The following STK32A variants were observed in gnomAD, a reference collection of about 807,000 sequenced individuals.
STK32A encodes serine/threonine kinase 32A.
A neutral mutation model predicts 53.2 loss-of-function variants in STK32A; 41 were observed. The ratio of observed to expected loss-of-function variants is 0.77; its 90% CI spans 0.60 to 1.00. The LOEUF (loss-of-function observed/expected upper bound fraction) is 1.00, where lower values mean the gene tolerates loss of function less well. Among genes scored for constraint, STK32A ranks in the 50% least tolerant of loss-of-function variants. The pLI, the probability that STK32A is intolerant of heterozygous loss-of-function variation, is 0.00. For synonymous variants in STK32A, 166 were observed against 162.8 expected, an observed-to-expected ratio of 1.02 and a Z score of -0.15; for missense variants, 458 against 485.8, an observed-to-expected ratio of 0.94 and a Z score of 0.54.
intron 10 of STK32A, among the ~76,000 whole-genome samples, chr5:147,373,752 C>G (rs762957957): frequency 2.0e-5 from 3 of 152,022 alleles, no homozygotes; most frequent in Non-Finnish European, 4.4e-5. Flanking sequence ...TTTGTTCTGT[C>G]TCAGGGATTT....
At chr5:147,295,810 T>C (rs972810275) in intron 4 of STK32A, among the ~76,000 whole-genome samples, 1 of 152,038 alleles carries the variant, frequency 6.6e-6, no homozygotes, top group Non-Finnish European at 1.5e-5. Flanking sequence ...AAATTTGTAC[T>C]TCTAAAGGGA....
chr5:147,371,530 C>T (rs541823037), intron 9 of STK32A, among the ~76,000 whole-genome samples: 1 of 152,282 alleles, frequency 6.6e-6, no homozygotes, highest in South Asian at 2.1e-4. Flanking sequence ...AACAGTGCCT[C>T]CAATCCTAGT....
In STK32A at chr5:147,377,486, ATT is replaced by A. The variant is rs1222595720; in HGVS notation, c.1032+2275_1032+2276del. On this transcript the variant is annotated intron_variant, in intron 11 of 12. Transcript: ENST00000397936. ...TTCCTGTTTCTTTGTGTGCCTTGTGATTTTTTTTCTGTTGCTATTGAAAACTC... is the reference window on the plus strand; with the variant it reads ...TTCCTGTTTCTTTGTGTGCCTTGTGATTTTTTCTGTTGCTATTGAAAACTC... Among the ~76,000 whole-genome samples, 13 of 151,820 alleles carry A rather than the reference ATT, an allele frequency of 8.6e-5. No individual in the cohort carries two copies. The East Asian group carries it at 1.5e-3, about 18-fold the overall frequency.
chr5:147,303,720 G>A (rs1753255117), intron 4 of STK32A, among the ~76,000 whole-genome samples: 1 of 152,198 alleles, frequency 6.6e-6, no homozygotes, highest in Non-Finnish European at 1.5e-5. Context: ...AGAACTCAGA[G>A]CCACATGATG....
chr5:147,328,060 G>A (rs924082088), intron 5 of STK32A, among the ~76,000 whole-genome samples: 7 of 152,208 alleles, frequency 4.6e-5, no homozygotes, highest in African/African-American at 7.2e-5. Context: ...GCTAAATTGT[G>A]TAAGAAAGAC....
intron 4 of STK32A, among the ~76,000 whole-genome samples, chr5:147,297,988 A>AAT (rs1206824123): frequency 6.6e-6 from 1 of 151,750 alleles, no homozygotes; most frequent in Non-Finnish European, 1.5e-5. Flanking sequence ...CAAAAAAAAA[A>AAT]AAAAATACTA....
chr5:147,299,130 T>C (rs755990725), intron 4 of STK32A, among the ~76,000 whole-genome samples: 1 of 152,182 alleles, frequency 6.6e-6, no homozygotes, highest in Non-Finnish European at 1.5e-5. Flanking sequence ...GGCTACTCCA[T>C]AGACAGAGCA....
At chr5:147,240,411 G>A (rs992554140) in intron 2 of STK32A, among the ~76,000 whole-genome samples, 14 of 152,288 alleles carry the variant, frequency 9.2e-5, no homozygotes, top group African/African-American at 3.4e-4. Context: ...ACCTCTGAGA[G>A]GGAGCTCTTC....
chr5:147,352,292 T>G (rs1259009925), intron 7 of STK32A, among the ~76,000 whole-genome samples: 1 of 152,230 alleles, frequency 6.6e-6, no homozygotes, highest in Admixed American at 6.5e-5. Flanking sequence ...TTTGCATTAT[T>G]TTGTGTGTAG....
chr5:147,348,692 C>G (rs1377940074), intron 6 of STK32A: 2 of 773,418 alleles, frequency 2.6e-6, no homozygotes, highest in East Asian at 4.9e-5. Context: ...GTTTTTAATA[C>G]AGATACCTGG....
At chr5:147,379,571 T>C (rs114446778) in intron 11 of STK32A, among the ~76,000 whole-genome samples, 1,811 of 152,188 alleles carry the variant, frequency 0.012, 28 homozygotes, top group Non-Finnish European at 0.018. Flanking sequence ...TCCTTGGCTC[T>C]TTTTATGCTC....
At chr5:147,327,990 G>C (rs1452987292) in intron 5 of STK32A, among the ~76,000 whole-genome samples, 1 of 152,204 alleles carries the variant, frequency 6.6e-6, no homozygotes, top group Non-Finnish European at 1.5e-5. Context: ...AGAGAAGATA[G>C]TGTGGAGTCG....
At chr5:147,381,877 A>G (rs1325634134) in intron 11 of STK32A, among the ~76,000 whole-genome samples, 1 of 152,126 alleles carries the variant, frequency 6.6e-6, no homozygotes, top group African/African-American at 2.4e-5. Flanking sequence ...GGGATGTCCA[A>G]TCTTTTGGCT....
chr5:147,364,887 G>T (rs1207305968), intron 8 of STK32A, among the ~76,000 whole-genome samples: 1 of 152,124 alleles, frequency 6.6e-6, no homozygotes, highest in African/African-American at 2.4e-5. Flanking sequence ...GTCTGTAACA[G>T]GTTGTATACT....
chr5:147,281,655 G>A (rs1158741297), intron 4 of STK32A, among the ~76,000 whole-genome samples: 3 of 151,960 alleles, frequency 2.0e-5, no homozygotes, highest in Non-Finnish European at 2.9e-5. Flanking sequence ...TGAGGAAGAA[G>A]AGAATTTTAA....
the STK32A span, among the ~76,000 whole-genome samples, chr5:147,400,008 A>G: frequency 6.6e-6 from 1 of 152,234 alleles, no homozygotes; most frequent in East Asian, 1.9e-4. Flanking sequence ...GTGAAATTAC[A>G]CTGTGTAGAT....
intron 6 of STK32A, among the ~76,000 whole-genome samples, chr5:147,345,327 G>C (rs1755630344): frequency 6.6e-6 from 1 of 152,298 alleles, no homozygotes; most frequent in Non-Finnish European, 1.5e-5. Flanking sequence ...TGAAGTACTT[G>C]ATGCAATGAC....
At chr5:147,399,309 G>A in the STK32A span, 1 of 1,544,632 alleles carries the variant, frequency 6.5e-7, no homozygotes, top group Non-Finnish European at 8.7e-7. Flanking sequence ...ATCAATTCAG[G>A]GCTTCTGAAC....
rs760307215 is a variant in STK32A, at chr5:147,373,252, TG to T, written c.862del (p.Ala288GlnfsTer18). 6.2e-7 allele frequency: 1 copy of T among 1,613,420 alleles called. No homozygotes were observed. Among genetic ancestry groups the T allele is most frequent in the Admixed American group, 1.7e-5 (1 of 59,936 alleles). On this transcript the variant is annotated frameshift_variant, in exon 10 of 13. Transcript: ENST00000397936. LOFTEE classifies it high-confidence loss of function. ...FPYMNDINWD[A>X]VFQKRLIPGF... ...CGTATATGAATGATATAAACTGGGA[TG>T]CAGTTTTTCAGAAGAGGCTCATTCC...
Sources: gnomAD v4.1 joint callset for allele counts (sites outside exome capture counted in the v4.1 genomes callset) on GRCh38, gnomAD v4.1.1 for gene constraint, MANE v1.5 for transcripts, NCBI Gene and HGNC (gene_info 2026-07-23, HGNC 2026-07-21) for gene names.